The following ITGA9 variants were observed in gnomAD, a reference collection of about 807,000 sequenced individuals.
ITGA9 encodes integrin subunit alpha 9.
Under a neutral mutation model 127.8 loss-of-function variants are expected in ITGA9, and 56 were observed. That is an observed-to-expected ratio of 0.44 (90% confidence interval 0.35 to 0.55). The LOEUF is 0.55. Ranked by LOEUF, ITGA9 falls within the 20% of genes least tolerant of loss-of-function variation. The pLI is 0.00. For missense variants in ITGA9, 1,196 were observed against 1,347.1 expected (o/e 0.89, Z 1.76); for synonymous variants, 508 against 514.5 (o/e 0.99, Z 0.17).
At chr3:37,777,653 T>A in intron 24 of ITGA9, 136 bp downstream of exon 24, 1 of 934,394 alleles carries the variant, frequency 1.1e-6, no homozygotes, top group Non-Finnish European at 1.7e-6. Flanking sequence ...TGTGGTCAAC[T>A]CCTAATTTTC....
At chr3:37,517,770 C>T (rs1180724832) in intron 10 of ITGA9, among the ~76,000 whole-genome samples, 161 bp downstream of exon 10, 2 of 152,198 alleles carry the variant, frequency 1.3e-5, no homozygotes, top group South Asian at 2.1e-4. Context: ...AGATAGGACA[C>T]GTTTAGAGGT....
intron 18 of ITGA9, among the ~76,000 whole-genome samples, chr3:37,707,976 AG>A (rs1214085618): frequency 6.6e-6 from 1 of 152,192 alleles, no homozygotes. Context: ...GGTAGCTCAA[AG>A]GTGTTCCCAT....
At chr3:37,470,937 A>G (rs927792072) in intron 1 of ITGA9, 70 bp from the exon 2 acceptor site, 2 of 1,555,840 alleles carry the variant, frequency 1.3e-6, no homozygotes, top group Admixed American at 1.7e-5. Context: ...TGGTTGGGTG[A>G]ATACTTAGCC....
chr3:37,801,662 G>T (rs1420158722), intron 26 of ITGA9, among the ~76,000 whole-genome samples: 1 of 151,976 alleles, frequency 6.6e-6, no homozygotes, highest in Non-Finnish European at 1.5e-5. Flanking sequence ...CTAAAAAGTA[G>T]CCAGCCATGC....
chr3:37,636,456 C>T (rs1405657317), intron 16 of ITGA9, among the ~76,000 whole-genome samples: 5 of 152,096 alleles, frequency 3.3e-5, no homozygotes, highest in Non-Finnish European at 4.4e-5. Context: ...GTTCATATCC[C>T]TCACCCACTT....
chr3:37,529,080 C>T (rs1699123680), intron 13 of ITGA9, among the ~76,000 whole-genome samples: 1 of 152,166 alleles, frequency 6.6e-6, no homozygotes, highest in African/African-American at 2.4e-5. Context: ...TGGTGTGTTG[C>T]TTGTTTTTCC....
intron 15 of ITGA9, among the ~76,000 whole-genome samples, chr3:37,558,615 G>A (rs568661671): frequency 2.6e-5 from 4 of 152,122 alleles, no homozygotes; most frequent in African/African-American, 4.8e-5. Context: ...TTCCGATTTG[G>A]ATGGCACCCT....
chr3:37,491,019 C>T (rs9876106), intron 4 of ITGA9, among the ~76,000 whole-genome samples: 5,488 of 142,674 alleles, frequency 0.038, 336 homozygotes, highest in African/African-American at 0.13. Context: ...CTCTGTTGCC[C>T]AGGCTGGAGT....
chr3:37,676,587 A>C (rs566879950), intron 17 of ITGA9, among the ~76,000 whole-genome samples: 8 of 152,228 alleles, frequency 5.3e-5, no homozygotes, highest in Non-Finnish European at 1.0e-4. Context: ...TGCAGGTTAC[A>C]CAGTGATAAG....
Position 37,542,527 on chromosome 3 carries a change from A to G in ITGA9, c.1631A>G (p.Glu544Gly), listed in dbSNP as rs1431896261. ...LLGETMGQVT[E>G]KLQLTYMEET... ...GGAGAGACCATGGGTCAGGTCACAG[A>G]GAAGCTGCAGCTGACTTACATGGAG... is the stretch of plus-strand genomic sequence containing the variant. The change falls in exon 15 of 28, where the codon GAG becomes GGG. Residue 544 changes from glutamate to glycine, a missense_variant. Coordinates refer to ENST00000264741, the MANE Select transcript of ITGA9 (RefSeq NM_002207.3). 6.2e-7 allele frequency: 1 copy of G among 1,614,064 alleles called. No homozygotes were observed. The highest frequency in any genetic ancestry group is 8.5e-7 in the Non-Finnish European group (1 of 1,180,046).
intron 26 of ITGA9, among the ~76,000 whole-genome samples, chr3:37,798,311 C>T (rs1697198351): frequency 1.3e-5 from 2 of 152,190 alleles, no homozygotes; most frequent in Non-Finnish European, 2.9e-5. Flanking sequence ...GCATAATAAA[C>T]ATCATTTTCC....
intron 19 of ITGA9, among the ~76,000 whole-genome samples, chr3:37,736,052 G>A (rs907927940): frequency 6.6e-6 from 1 of 152,160 alleles, no homozygotes; most frequent in African/African-American, 2.4e-5. Flanking sequence ...GTGCCCATCT[G>A]GCTTTCCCTT....
intron 5 of ITGA9, among the ~76,000 whole-genome samples, chr3:37,498,344 A>T (rs1277609657): frequency 1.3e-5 from 2 of 152,082 alleles, no homozygotes; most frequent in Admixed American, 1.3e-4. Flanking sequence ...AGCTAGATTG[A>T]TGGGAGACAT....
At chr3:37,803,685 A>T in intron 26 of ITGA9, 138 bp from the exon 27 acceptor site, 1 of 922,174 alleles carries the variant, frequency 1.1e-6, no homozygotes, top group Non-Finnish European at 1.7e-6. Context: ...AAGGCAGGAG[A>T]ATCGCTTGAA....
At chr3:37,798,272 G>A (rs1020947804) in intron 26 of ITGA9, among the ~76,000 whole-genome samples, 4 of 152,210 alleles carry the variant, frequency 2.6e-5, no homozygotes, top group Non-Finnish European at 5.9e-5. Flanking sequence ...TTATAGGCAT[G>A]AGCCAGCATC....
chr3:37,533,145 C>G (rs905288342), intron 13 of ITGA9, among the ~76,000 whole-genome samples, 169 bp from the exon 14 acceptor site: 2 of 152,074 alleles, frequency 1.3e-5, no homozygotes, highest in African/African-American at 4.8e-5. Flanking sequence ...CTTCTAAAAC[C>G]AGAAAAAAAT....
At chr3:37,483,489 G>T (rs572529090) in intron 4 of ITGA9, among the ~76,000 whole-genome samples, 1 of 152,182 alleles carries the variant, frequency 6.6e-6, no homozygotes, top group Non-Finnish European at 1.5e-5. Flanking sequence ...CACCAGTGAG[G>T]CAGGGGGAAG....
chr3:37,749,865 C>T (rs1696559010), intron 22 of ITGA9, among the ~76,000 whole-genome samples: 2 of 152,140 alleles, frequency 1.3e-5, no homozygotes, highest in African/African-American at 2.4e-5. Flanking sequence ...CCACTTGGTC[C>T]TTGAGGGCCT....
At chr3:37,575,079 G>A (rs541657416) in intron 15 of ITGA9, among the ~76,000 whole-genome samples, 1 of 152,244 alleles carries the variant, frequency 6.6e-6, no homozygotes, top group South Asian at 2.1e-4. Context: ...ATGATAAAAT[G>A]GTGTCCGTTG....
Sources: gnomAD v4.1 joint callset for allele counts (sites outside exome capture counted in the v4.1 genomes callset) on GRCh38, gnomAD v4.1.1 for gene constraint, MANE v1.5 for transcripts, NCBI Gene and HGNC (gene_info 2026-07-23, HGNC 2026-07-21) for gene names.